ABCA12: variants seen among roughly 807,000 people sequenced by gnomAD.
ABCA12 encodes the protein ATP binding cassette subfamily A member 12.
Under a neutral mutation model 293.5 loss-of-function variants are expected in ABCA12, and 156 were observed. The observed-to-expected ratio is 0.53, with a 90% CI of 0.47 to 0.61. The LOEUF is 0.61. Ranked by LOEUF, ABCA12 falls within the 20% of genes least tolerant of loss-of-function variation. ABCA12 has a pLI of 0.00. For missense variants in ABCA12, 2,797 were observed against 3,090.2 expected (o/e 0.91, Z 2.25); for synonymous variants, 1,063 against 1,108.0 (o/e 0.96, Z 0.81).
At chr2:214,946,967 A>G (rs916645063) in intron 48 of ABCA12, among the ~76,000 whole-genome samples, 4 of 152,138 alleles carry the variant, frequency 2.6e-5, no homozygotes, top group Non-Finnish European at 2.9e-5. Flanking sequence ...TAACAAGGAA[A>G]TAAAATTTTA....
intron 21 of ABCA12, 41 bp from the exon 22 acceptor site, chr2:215,001,061 T>C (rs370247199): frequency 6.3e-7 from 1 of 1,593,086 alleles, no homozygotes; most frequent in Non-Finnish European, 8.6e-7. Context: ...GGTTATTTTA[T>C]GGTTGACGTT....
intron 1 of ABCA12, among the ~76,000 whole-genome samples, chr2:215,116,565 T>G (rs1262665687): frequency 6.6e-6 from 1 of 152,176 alleles, no homozygotes; most frequent in South Asian, 2.1e-4. Context: ...CATTAAAATA[T>G]ATTTGAAAAT....
chr2:215,076,471 G>A (rs1701835828), intron 2 of ABCA12, among the ~76,000 whole-genome samples: 1 of 152,092 alleles, frequency 6.6e-6, no homozygotes. Context: ...AAAACCAAGA[G>A]ATTCCGTTTT....
At chr2:214,941,447 T>A (rs561173435) in intron 50 of ABCA12, among the ~76,000 whole-genome samples, 1 of 152,358 alleles carries the variant, frequency 6.6e-6, no homozygotes, top group Non-Finnish European at 1.5e-5. Context: ...TGGAGAGTTC[T>A]ATAGATGTCT....
intron 2 of ABCA12, among the ~76,000 whole-genome samples, chr2:215,107,754 G>A (rs747874819): frequency 6.6e-6 from 1 of 152,188 alleles, no homozygotes; most frequent in Non-Finnish European, 1.5e-5. Flanking sequence ...AGACCTGCCT[G>A]ACTCTTCTGG....
At chr2:214,992,987 A>AAAATTATATGC (rs1699957513) in intron 23 of ABCA12, among the ~76,000 whole-genome samples, 4 of 152,154 alleles carry the variant, frequency 2.6e-5, no homozygotes, top group African/African-American at 9.7e-5. Context: ...TTTTCCAGGA[A>AAAATTATATGC]AAAAAAATTA....
chr2:214,986,393 C>T, intron 28 of ABCA12, 149 bp downstream of exon 28: 1 of 832,686 alleles, frequency 1.2e-6, no homozygotes, highest in Non-Finnish European at 1.9e-6. Context: ...ATTTTGACTC[C>T]ATTCTATAGC....
intron 1 of ABCA12, among the ~76,000 whole-genome samples, chr2:215,125,869 T>C (rs1376704226): frequency 6.6e-6 from 1 of 152,206 alleles, no homozygotes; most frequent in East Asian, 1.9e-4. Flanking sequence ...CCTTGTCTTG[T>C]TCCAGTTCTC....
intron 7 of ABCA12, among the ~76,000 whole-genome samples, chr2:215,038,015 G>A (rs1215161317): frequency 5.9e-5 from 9 of 152,078 alleles, no homozygotes; most frequent in Non-Finnish European, 1.3e-4. Flanking sequence ...TAGTATTTGT[G>A]TACACTTTCA....
intron 15 of ABCA12, among the ~76,000 whole-genome samples, chr2:215,014,588 T>C (rs1700448999): frequency 6.6e-6 from 1 of 152,152 alleles, no homozygotes; most frequent in Admixed American, 6.5e-5. Flanking sequence ...CTTTAAGTTT[T>C]AAAAGGATCA....
rs187265115 is a variant in ABCA12 at position 215,088,521 on chromosome 2, T to A, written c.163+23076A>T. 4.0e-4 allele frequency among the ~76,000 whole-genome samples: 61 copies of A among 152,346 alleles called. 1 individual carries two copies. The Middle Eastern group carries it at 0.014, about 34-fold the overall frequency. ...TGTAATATACCCACATTTCCTTGAT[T>A]ATTTTTCTTTAGGTATTGCAATTGG... On this transcript the variant is annotated intron_variant, in intron 2 of 52. Transcript: ENST00000272895.
chr2:215,012,911 TTAAAA>T (rs1430072213), intron 15 of ABCA12: 12 of 152,300 alleles, frequency 7.9e-5, no homozygotes, highest in African/African-American at 2.6e-4. Flanking sequence ...CACCTAAAAA[TTAAAA>T]TAAAACTGTC....
Position 214,950,898 on chromosome 2 carries a change from A to G in ABCA12, c.6833T>C (p.Ile2278Thr), listed in dbSNP as rs1698744681. ...TCTTACCTCTCCAGCAGGTATCCCA[A>G]TGCTGATGTTGTTTACAGCTATAAT... ...KKIIAVNNISIGIPAGECFGL... is the reference protein window; with the variant it reads ...KKIIAVNNISTGIPAGECFGL... The change falls in exon 45 of 53, where the codon ATT becomes ACT. Residue 2278 changes from isoleucine to threonine, a missense_variant. By Grantham distance (89) the Ile-to-Thr change is moderately conservative. Around this residue, in one of 3 missense-constraint regions of ABCA12, gnomAD observed 2,130 missense variants for 2,427.0 expected, o/e 0.88. Coordinates refer to ENST00000272895, the MANE Select transcript of ABCA12 (RefSeq NM_173076.3). 4 of 1,614,086 alleles carry G rather than the reference A, an allele frequency of 2.5e-6. No individual in the cohort carries two copies. Among genetic ancestry groups the G allele is most frequent in the South Asian group, 1.1e-5 (1 of 91,084 alleles).
chr2:215,030,461 A>G (rs545254506), intron 9 of ABCA12, among the ~76,000 whole-genome samples: 13 of 151,626 alleles, frequency 8.6e-5, no homozygotes, highest in Admixed American at 4.6e-4. Context: ...AAAATTAGCC[A>G]GGCGTGGTGG....
intron 2 of ABCA12, among the ~76,000 whole-genome samples, chr2:215,077,899 G>A (rs887543652): frequency 3.3e-5 from 5 of 152,040 alleles, no homozygotes; most frequent in African/African-American, 1.2e-4. Flanking sequence ...GTTGTTCATA[G>A]CCTTATGGGA....
intron 28 of ABCA12, 87 bp downstream of exon 28, chr2:214,986,455 T>A: frequency 8.0e-7 from 1 of 1,256,614 alleles, no homozygotes; most frequent in Non-Finnish European, 1.1e-6. Flanking sequence ...ACTTTATGTT[T>A]TATAAACATA....
At chr2:214,978,513 C>G (rs1438945346) in intron 32 of ABCA12, 47 bp from the exon 33 acceptor site, 1 of 1,594,112 alleles carries the variant, frequency 6.3e-7, no homozygotes, top group Non-Finnish European at 8.6e-7. Context: ...AAGTGCATGT[C>G]TTTTCTCATT....
chr2:215,047,729 C>A (rs933743364), intron 6 of ABCA12, among the ~76,000 whole-genome samples: 3 of 152,152 alleles, frequency 2.0e-5, no homozygotes, highest in Non-Finnish European at 4.4e-5. Context: ...TGGAAGACAG[C>A]CTAGGCAACA....
At position 214,980,523 on chromosome 2, in the gene ABCA12, G is replaced by T; in HGVS notation, c.4700C>A (p.Ala1567Asp). ...CGTGAGGTGATACCCATCGCCAAAG[G>T]CTTCCTTGAGGTAAAATGGGGACCC... The part of the protein sequence containing the change: ...CCGSPFYLKE[A>D]FGDGYHLTLT... Residue 1567 changes from alanine (A) to aspartate (D), a missense_variant, in exon 31 of 53, where the codon GCC (alanine) becomes GAC (aspartate). By Grantham distance (126) the Ala-to-Asp change is moderately radical. Transcript: ENST00000272895. The T allele has an allele frequency of 1.2e-6, 2 of 1,613,796 alleles. No homozygotes were observed. Among genetic ancestry groups the T allele is most frequent in the Non-Finnish European group, 1.7e-6 (2 of 1,179,964 alleles).
Sources: gnomAD v4.1 joint callset for allele counts (sites outside exome capture counted in the v4.1 genomes callset) on GRCh38, gnomAD v4.1.1 for gene constraint, gnomAD v4.1.1 regional missense constraint, MANE v1.5 for transcripts, NCBI Gene and HGNC (gene_info 2026-07-23, HGNC 2026-07-21) for gene names.